Variants in GTF2IRD1 observed in about 807,000 individuals in gnomAD.
GTF2IRD1 encodes the protein general transcription factor II-I repeat domain-containing protein 1.
Under a neutral mutation model 113.2 loss-of-function variants are expected in GTF2IRD1, and 26 were observed. The ratio of observed to expected loss-of-function variants is 0.23; its 90% confidence interval spans 0.17 to 0.32. The LOEUF is 0.32. Among genes scored for constraint, GTF2IRD1 ranks in the 10% least tolerant of loss-of-function variants. The pLI is 1.00. For synonymous variants in GTF2IRD1, 484 were observed against 529.1 expected (o/e 0.91, Z 1.17); for missense variants, 864 against 1,280.8 (o/e 0.67, Z 4.97).
In GTF2IRD1 at chr7:74,518,342, CGGGGCTGGGCT is replaced by C. The variant is rs781811987; in HGVS notation, c.605+31_605+41del. 4 of 1,557,626 alleles carry C rather than the reference CGGGGCTGGGCT, an allele frequency of 2.6e-6. No individual in the cohort carries two copies. Among genetic ancestry groups the C allele is most frequent in the African/African-American group, 2.7e-5 (2 of 73,410 alleles). On this transcript the variant is annotated intron_variant, in intron 5 of 26. Transcript: ENST00000424337. The stretch of plus-strand genomic sequence containing the variant: ...CAAGAGGTGAGTGAGGTAGCCGGCC[CGGGGCTGGGCT>C]GGGGCTGGGCCAGGGCCGGGTCAGG...
intron 22 of GTF2IRD1, among the ~76,000 whole-genome samples, chr7:74,560,266 C>A (rs1454019328): frequency 2.0e-5 from 3 of 151,892 alleles, no homozygotes; most frequent in Non-Finnish European, 4.4e-5. Context: ...TGCACCTGCT[C>A]CTCCTGATAA....
At chr7:74,569,816 C>T (rs782261400) in intron 22 of GTF2IRD1, among the ~76,000 whole-genome samples, 1 of 152,042 alleles carries the variant, frequency 6.6e-6, no homozygotes, top group Non-Finnish European at 1.5e-5. Flanking sequence ...TGGTGGTGCT[C>T]GTCTCTAAGG....
Position 74,468,570 on chromosome 7 carries a change from A to T in GTF2IRD1, c.-7+14394A>T, listed in dbSNP as rs368027961. ...GCTACTTGGGAGGCTGAGACAGGAG[A>T]ATCACTTGAACCTCGGAGGCAGAGG... is the stretch of plus-strand genomic sequence containing the variant. On this transcript the variant is annotated intron_variant, in intron 1 of 26. Coordinates refer to ENST00000424337, the MANE Select transcript of GTF2IRD1 (RefSeq NM_005685.4). 2.2e-3 allele frequency among the ~76,000 whole-genome samples: 325 copies of T among 150,000 alleles called. 3 individuals are homozygous for T. The highest frequency in any genetic ancestry group is 7.6e-3 in the African/African-American group (310 of 40,738).
At chr7:74,523,995 C>A in intron 7 of GTF2IRD1, 76 bp from the exon 8 acceptor site, 1 of 1,031,690 alleles carries the variant, frequency 9.7e-7, no homozygotes, top group Non-Finnish European at 1.5e-6. Flanking sequence ...GGTGAAAGCC[C>A]GGTGGTCATG....
chr7:74,483,228 T>A (rs565747597), intron 1 of GTF2IRD1, among the ~76,000 whole-genome samples: 114 of 152,192 alleles, frequency 7.5e-4, no homozygotes, highest in Admixed American at 2.2e-3. Context: ...TTTTCCAAAG[T>A]GTTTGAAGTT....
At chr7:74,465,007 A>C (rs1199608935) in intron 1 of GTF2IRD1, among the ~76,000 whole-genome samples, 5 of 152,050 alleles carry the variant, frequency 3.3e-5, no homozygotes, top group African/African-American at 1.2e-4. Flanking sequence ...CCCACCGCCC[A>C]CCCACCTGGC....
At chr7:74,575,747 G>A (rs1449428174) in intron 22 of GTF2IRD1, among the ~76,000 whole-genome samples, 3 of 152,206 alleles carry the variant, frequency 2.0e-5, no homozygotes, top group African/African-American at 4.8e-5. Context: ...GAAGCTGGTG[G>A]GGCAGGAGGT....
intron 1 of GTF2IRD1, among the ~76,000 whole-genome samples, chr7:74,503,142 G>T (rs1796119710): frequency 1.3e-5 from 2 of 149,768 alleles, no homozygotes; most frequent in South Asian, 4.2e-4. Context: ...ACTCCAGTCT[G>T]GGCAATAGAG....
chr7:74,529,017 G>A (rs1352707047), intron 8 of GTF2IRD1, among the ~76,000 whole-genome samples: 5 of 151,940 alleles, frequency 3.3e-5, no homozygotes, highest in African/African-American at 1.2e-4. Flanking sequence ...ATGGATAGAC[G>A]GACTGATGGA....
chr7:74,536,331 G>T, intron 11 of GTF2IRD1, 56 bp downstream of exon 11: 1 of 1,123,094 alleles, frequency 8.9e-7, no homozygotes. Context: ...CTGGGCTGAG[G>T]CAGTGTTACC....
intron 22 of GTF2IRD1, among the ~76,000 whole-genome samples, chr7:74,564,994 G>A (rs1800207158): frequency 6.6e-6 from 1 of 152,100 alleles, no homozygotes; most frequent in African/African-American, 2.4e-5. Context: ...GGTTTCTGGG[G>A]GCCAGGGGTA....
chr7:74,491,609 A>G (rs1795350878), intron 1 of GTF2IRD1, among the ~76,000 whole-genome samples: 1 of 152,058 alleles, frequency 6.6e-6, no homozygotes, highest in Non-Finnish European at 1.5e-5. Context: ...TTAGTTTGCT[A>G]AGGATAATGG....
chr7:74,572,028 A>G (rs1554362811), intron 22 of GTF2IRD1, among the ~76,000 whole-genome samples: 1 of 152,208 alleles, frequency 6.6e-6, no homozygotes, highest in Non-Finnish European at 1.5e-5. Context: ...GAGAAAAGCC[A>G]GAAGCCTCAA....
intron 11 of GTF2IRD1, 74 bp downstream of exon 11, chr7:74,536,349 G>A (rs1798297135): frequency 2.2e-6 from 2 of 896,168 alleles, no homozygotes; most frequent in Admixed American, 2.0e-5. Flanking sequence ...ACCTGCAAGG[G>A]GGTACCCAGG....
At chr7:74,463,479 A>G (rs37633) in intron 1 of GTF2IRD1, among the ~76,000 whole-genome samples, 123,285 of 152,002 alleles carry the variant, frequency 0.81, 50,110 homozygotes, top group Admixed American at 0.87. Context: ...AAGTGATCCC[A>G]CAACCTCAGC....
At chr7:74,557,118 C>T (rs1167607494) in intron 19 of GTF2IRD1, among the ~76,000 whole-genome samples, 3 of 152,138 alleles carry the variant, frequency 2.0e-5, no homozygotes, top group South Asian at 2.1e-4. Flanking sequence ...CGGTGGTGCA[C>T]GCCTGTGGTC....
chr7:74,462,209 T>A (rs1793417346), intron 1 of GTF2IRD1, among the ~76,000 whole-genome samples: 1 of 149,428 alleles, frequency 6.7e-6, no homozygotes, highest in Admixed American at 6.7e-5. Flanking sequence ...CCCCGTCTCT[T>A]AAAAAAAAAA....
At chr7:74,584,863 G>A (rs773283697) in intron 22 of GTF2IRD1, among the ~76,000 whole-genome samples, 31 of 152,066 alleles carry the variant, frequency 2.0e-4, no homozygotes, top group Non-Finnish European at 2.9e-4. Context: ...GTACGATGGC[G>A]CGATCTTGGC....
chr7:74,573,412 A>C (rs1391948914), intron 22 of GTF2IRD1, among the ~76,000 whole-genome samples: 1 of 151,996 alleles, frequency 6.6e-6, no homozygotes, highest in East Asian at 1.9e-4. Flanking sequence ...AAAAAAAAAA[A>C]AAACGATTAA....
Sources: allele counts gnomAD v4.1 joint callset (sites outside exome capture counted in the v4.1 genomes callset), GRCh38; gene constraint gnomAD v4.1.1; transcripts MANE v1.5; gene names NCBI Gene and HGNC (gene_info 2026-07-23, HGNC 2026-07-21).